Variants in CSTF1 observed in about 807,000 individuals in gnomAD.
CSTF1 encodes the protein CF-1 50 kDa subunit.
Under a neutral mutation model 40.9 loss-of-function variants are expected in CSTF1, and 2 were observed. That is an observed-to-expected ratio of 0.05 (90% CI 0.02 to 0.15). CSTF1 has a LOEUF of 0.15. CSTF1 is among the 10% of genes least tolerant of loss of function. The probability of loss-of-function intolerance (pLI) is 1.00; values close to 1 mark genes in which losing one functional copy is unlikely to be tolerated. For synonymous variants in CSTF1, 218 were observed against 207.2 expected, an observed-to-expected ratio of 1.05 and a Z score of -0.45; for missense variants, 279 against 558.9, an observed-to-expected ratio of 0.50 and a Z score of 5.05.
chr20:56,400,209 A>G (rs897031953), intron 5 of CSTF1, among the ~76,000 whole-genome samples: 9 of 152,212 alleles, frequency 5.9e-5, no homozygotes, highest in African/African-American at 2.2e-4. Flanking sequence ...CATCTGACCC[A>G]CTAGGGGGCA....
Position 56,397,903 on chromosome 20 carries a change from T to A in CSTF1, c.645+62T>A. The A allele has an allele frequency of 1.5e-6, 2 of 1,308,752 alleles. No individual in the cohort carries two copies. Among genetic ancestry groups the A allele is most frequent in the Non-Finnish European group, 2.2e-6 (2 of 922,922 alleles). The allele number at this position is 1,308,752 out of a possible 1,614,324, so 81.1% of individuals were successfully genotyped here. ...TAAATACAATGAGCTATTGTACAAC[T>A]ATTCTCTTTTTAAAAGTAGTCTCAG... On this transcript the variant is annotated intron_variant, in intron 4 of 5. Coordinates refer to ENST00000217109, the MANE Select transcript of CSTF1 (RefSeq NM_001324.3). The surrounding 1 kb of genome is among the most constrained non-coding windows in gnomAD (Gnocchi z 4.4).
In CSTF1 at chr20:56,395,846, T is replaced by C. The variant is rs370991355; in HGVS notation, c.169+125T>C. The C allele has an allele frequency of 2.1e-5, 21 of 995,756 alleles. No homozygotes were observed. The South Asian group carries it at 2.2e-4, about 10-fold the overall frequency. The allele number at this position is 995,756 out of a possible 1,614,324, so 61.7% of individuals were successfully genotyped here. ...AGTATGAGCCGGGTACTTCAGTAAG[T>C]AAGTAGTTCAGCATGAGTTCAGGAA... is the stretch of plus-strand genomic sequence containing the variant. On this transcript the variant is annotated intron_variant, in intron 2 of 5. Coordinates refer to ENST00000217109, the MANE Select transcript of CSTF1 (RefSeq NM_001324.3).
rs749199958 is a variant in CSTF1, at chr20:56,403,633, G to A, written c.1202G>A (p.Arg401His). Residue 401 changes from arginine to histidine, a missense_variant, in exon 6 of 6, where the codon CGC (arginine) becomes CAC (histidine). Coordinates refer to ENST00000217109, the MANE Select transcript of CSTF1 (RefSeq NM_001324.3). ...LLSLGHNNIV[R>H]CIVHSPTNPG... is the part of the protein sequence containing the mutation. ...TCGTTGGGGCACAACAATATTGTAC[G>A]CTGCATAGTGCACTCCCCCACCAAC... 1.9e-6 allele frequency: 3 copies of A among 1,614,076 alleles called. No homozygotes were observed. Among genetic ancestry groups the A allele is most frequent in the Non-Finnish European group, 2.5e-6 (3 of 1,180,022 alleles).
intron 2 of CSTF1, 129 bp downstream of exon 2, chr20:56,395,850 T>C: frequency 1.1e-6 from 1 of 938,868 alleles, no homozygotes; most frequent in Non-Finnish European, 1.6e-6. Context: ...AGTAAGTAAG[T>C]AGTTCAGCAT....
chr20:56,395,245 A>C (rs1987482857), intron 1 of CSTF1, among the ~76,000 whole-genome samples: 1 of 152,218 alleles, frequency 6.6e-6, no homozygotes, highest in African/African-American at 2.4e-5. Flanking sequence ...AGTTGGTGAG[A>C]GATTGTACCG....
In CSTF1 at chr20:56,392,687, G is replaced by A. The variant is rs1349579845; in HGVS notation, c.-59G>A. ...CGCCTCCATTTTTCCAGGAGAGAGC[G>A]GGATACCAAGAGAACCGGACCAGCT... On this transcript the variant is annotated 5_prime_UTR_variant, in exon 1 of 6. Coordinates refer to ENST00000217109, the MANE Select transcript of CSTF1 (RefSeq NM_001324.3). 6.6e-6 allele frequency: 1 copy of A among 152,186 alleles called. No homozygotes were observed. Among genetic ancestry groups the A allele is most frequent in the Non-Finnish European group, 1.5e-5 (1 of 68,040 alleles). The allele number at this position is 152,186 out of a possible 1,614,324, so 9.4% of individuals were successfully genotyped here.
Position 56,404,809 on chromosome 20 carries a change from CT to C in CSTF1, c.*1083del, listed in dbSNP as rs1396152249. On this transcript the variant is annotated 3_prime_UTR_variant, in exon 6 of 6. Transcript: ENST00000217109. ...TACAGGCACCCACCACCACGCCCGG[CT>C]AATTTTTTTTTTTTTTTTTTTTTTT... is the stretch of plus-strand genomic sequence containing the variant. The C allele has an allele frequency of 2.7e-5, 2 of 73,992 alleles. No homozygotes were observed. Among genetic ancestry groups the C allele is most frequent in the Non-Finnish European group, 4.6e-5 (2 of 43,608 alleles). 4.6% of individuals were successfully genotyped at this position (73,992 alleles called of 1,614,324 possible).
Position 56,399,486 on chromosome 20 carries a change from G to T in CSTF1, c.1036+129G>T. On this transcript the variant is annotated intron_variant, in intron 5 of 5. Transcript: ENST00000217109. The surrounding 1 kb of genome is among the most constrained non-coding windows in gnomAD (Gnocchi z 4.6). ...GCAAGGCAGATGTTACCCTTTCTTA[G>T]ATAAGAGGAAACCAAGACTTACAGG... 1 of 877,606 alleles carries T rather than the reference G, an allele frequency of 1.1e-6. No individual in the cohort carries two copies. Among genetic ancestry groups the T allele is most frequent in the Non-Finnish European group, 1.7e-6 (1 of 579,254 alleles). The allele number at this position is 877,606 out of a possible 1,614,324, so 54.4% of individuals were successfully genotyped here. A position where few individuals can be genotyped will look rare whatever the true frequency, so the allele number is the denominator to read the frequency against.
upstream of CSTF1, chr20:56,392,509 A>G (rs2236207): frequency 0.91 from 138,526 of 152,372 alleles, 63,817 homozygotes; most frequent in Non-Finnish European, 0.99. Flanking sequence ...GATAAAGTCC[A>G]AGGAGGTGAA....
chr20:56,395,934 C>T, intron 2 of CSTF1: 1 of 519,386 alleles, frequency 1.9e-6, no homozygotes, highest in Non-Finnish European at 3.4e-6. Flanking sequence ...CTGGTTCTGG[C>T]CTGAGGGTCT....
intron 1 of CSTF1, among the ~76,000 whole-genome samples, chr20:56,393,830 T>C (rs1987414836): frequency 6.6e-6 from 1 of 152,144 alleles, no homozygotes; most frequent in African/African-American, 2.4e-5. Context: ...AATTGAGGTA[T>C]TTTTGGAGGG....
At chr20:56,395,821 A>G in intron 2 of CSTF1, 100 bp downstream of exon 2, 1 of 1,292,270 alleles carries the variant, frequency 7.7e-7, no homozygotes, top group Non-Finnish European at 1.1e-6. Context: ...TTCAGTACCT[A>G]GTATGAGCCG....
chr20:56,396,759 T>TA (rs1283948013), intron 2 of CSTF1, among the ~76,000 whole-genome samples: 1 of 151,942 alleles, frequency 6.6e-6, no homozygotes, highest in Non-Finnish European at 1.5e-5. Flanking sequence ...CAGTTTTTTT[T>TA]AAATAACTTT....
At position 56,403,517 on chromosome 20, in the gene CSTF1, C is replaced by T. The variant is rs1270510675; in HGVS notation, c.1086C>T (p.Asn362=). The T allele has an allele frequency of 6.2e-7, 1 of 1,614,040 alleles. No individual in the cohort carries two copies. Among genetic ancestry groups the T allele is most frequent in the African/African-American group, 1.3e-5 (1 of 74,990 alleles). Residue 362 remains asparagine (N), a synonymous_variant, in exon 6 of 6, where the codon AAC becomes AAT. Coordinates refer to ENST00000217109, the MANE Select transcript of CSTF1 (RefSeq NM_001324.3). ...TGCACCGGACACAGGCTGTGTTTAA[C>T]CACACCGAGGACTATGTGTTGCTGC... The part of the protein sequence containing the change: ...RQVHRTQAVF[N]HTEDYVLLPD...
rs764526131 is a variant in CSTF1, at chr20:56,395,510, C to A, written c.-32-11C>A. On this transcript the variant is annotated splice_polypyrimidine_tract_variant and intron_variant, in intron 1 of 5. Coordinates refer to ENST00000217109, the MANE Select transcript of CSTF1 (RefSeq NM_001324.3). ...CCTGTACCCTTCACCGTCCATTTTC[C>A]GTTTTTGCAGCTGGCAGGGAAACTG... The A allele has an allele frequency of 3.8e-6, 6 of 1,584,514 alleles. No individual in the cohort carries two copies. The African/African-American group carries it at 8.1e-5, about 21-fold the overall frequency.
chr20:56,397,535 G>A lies in CSTF1; in HGVS notation c.447+51G>A, dbSNP rs1987551647. 6.3e-7 allele frequency: 1 copy of A among 1,597,634 alleles called. No individual in the cohort carries two copies. The highest frequency in any genetic ancestry group is 1.3e-5 in the African/African-American group (1 of 74,214). ...TGATTGCCTTCTGTTTTTCATTTTT[G>A]GAAAAATGAGAGTATGGTTGAAACC... is the stretch of plus-strand genomic sequence containing the variant. On this transcript the variant is annotated intron_variant, in intron 3 of 5. Transcript: ENST00000217109. This position sits in a 1 kb window ranked among gnomAD's most constrained non-coding sequence, Gnocchi z 4.4.
In CSTF1 at chr20:56,404,311, A is replaced by G. The variant is rs1170124671; in HGVS notation, c.*584A>G. ...AAATTAATGGCCAGTTTTTCCTGAC[A>G]ATTTATAGGAACAGTATCTTTCAAC... On this transcript the variant is annotated 3_prime_UTR_variant, in exon 6 of 6. Coordinates refer to ENST00000217109, the MANE Select transcript of CSTF1 (RefSeq NM_001324.3). The G allele has an allele frequency of 6.6e-6, 1 of 152,474 alleles. No individual in the cohort carries two copies. Among genetic ancestry groups the G allele is most frequent in the Admixed American group, 6.5e-5 (1 of 15,316 alleles). 9.4% of individuals were successfully genotyped at this position (152,474 alleles called of 1,614,324 possible).
At chr20:56,396,528 C>T (rs115410899) in intron 2 of CSTF1, among the ~76,000 whole-genome samples, 278 of 152,262 alleles carry the variant, frequency 1.8e-3, no homozygotes, top group African/African-American at 6.4e-3. Flanking sequence ...TGTTACACAG[C>T]ATTGCTCTAT....
chr20:56,400,549 G>A (rs1462639740), intron 5 of CSTF1, among the ~76,000 whole-genome samples: 1 of 152,138 alleles, frequency 6.6e-6, no homozygotes, highest in Non-Finnish European at 1.5e-5. Context: ...TTATATATTT[G>A]CTCTAGGAAT....
Sources: allele counts gnomAD v4.1 joint callset (sites outside exome capture counted in the v4.1 genomes callset), GRCh38; gene constraint gnomAD v4.1.1; non-coding constraint Gnocchi (gnomAD v3.1); transcripts MANE v1.5; gene names NCBI Gene and HGNC (gene_info 2026-07-23, HGNC 2026-07-21).